The following RND3 variants were observed in gnomAD, a reference collection of about 807,000 sequenced individuals.
RND3 encodes the protein Rho family GTPase 3.
Under a neutral mutation model 26.5 loss-of-function variants are expected in RND3, and 8 were observed. That is an observed-to-expected ratio of 0.30 (90% CI 0.18 to 0.54). RND3 has a LOEUF of 0.54. Ranked by LOEUF, RND3 falls within the 20% of genes least tolerant of loss-of-function variation. RND3 has a pLI of 0.94. For missense variants in RND3, 207 were observed against 302.8 expected, an observed-to-expected ratio of 0.68 and a Z score of 2.35; for synonymous variants, 113 against 113.0, an observed-to-expected ratio of 1.00 and a Z score of 0.00.
At chr2:150,481,590 G>A (rs1365288897) in intron 3 of RND3, among the ~76,000 whole-genome samples, 1 of 152,092 alleles carries the variant, frequency 6.6e-6, no homozygotes, top group African/African-American at 2.4e-5. Flanking sequence ...GGCAGAAGCT[G>A]CTCTCACCCA....
At position 150,470,065 on chromosome 2, in the gene RND3, G is replaced by C. The variant is rs1180754677; in HGVS notation, c.657C>G (p.His219Gln). 6.2e-7 allele frequency: 1 copy of C among 1,613,974 alleles called. No homozygotes were observed. The highest frequency in any genetic ancestry group is 8.5e-7 in the Non-Finnish European group (1 of 1,179,972). The change falls in exon 6 of 6, where the codon CAC (histidine) becomes CAG (glutamine). Residue 219 changes from histidine (H) to glutamine (Q), a missense_variant. Coordinates refer to ENST00000263895, the MANE Select transcript of RND3 (RefSeq NM_005168.5). ...CCGAGAGTTCTGGTCTGCTAGGCAT[G>C]TGTGAAATCCGCTTTGTGGCTCTCT... ...KSQRATKRISHMPSRPELSAV... is the reference protein window; with the variant it reads ...KSQRATKRISQMPSRPELSAV...
At chr2:150,487,101 C>T (rs1686385794) in intron 2 of RND3, 167 bp downstream of exon 2, 1 of 644,612 alleles carries the variant, frequency 1.6e-6, no homozygotes, top group Non-Finnish European at 2.6e-6. Context: ...GCGCACTTTC[C>T]CTTTCCCCGC....
In RND3 at chr2:150,481,511, T is replaced by C. The variant is rs187831169; in HGVS notation, c.238+5183A>G. 9.9e-4 allele frequency among the ~76,000 whole-genome samples: 151 copies of C among 152,302 alleles called. 2 individuals are homozygous for C. Among genetic ancestry groups the C allele is most frequent in the Non-Finnish European group, 1.7e-3 (115 of 68,034 alleles). Reference sequence around the variant, plus strand: ...TTAGTTTGGGAAAGCCTGAATATTTTAAATTTTATTGTCACTCATGTTTTC... The same window carrying C: ...TTAGTTTGGGAAAGCCTGAATATTTCAAATTTTATTGTCACTCATGTTTTC... On this transcript the variant is annotated intron_variant, in intron 3 of 5. Transcript: ENST00000263895.
intron 3 of RND3, among the ~76,000 whole-genome samples, chr2:150,476,230 A>G (rs751433293): frequency 6.6e-6 from 1 of 152,232 alleles, no homozygotes; most frequent in Non-Finnish European, 1.5e-5. Flanking sequence ...TTGTCCCTTG[A>G]TAAATCAAAA....
At chr2:150,487,150 T>TA in intron 2 of RND3, 118 bp downstream of exon 2, 1 of 623,678 alleles carries the variant, frequency 1.6e-6, no homozygotes, top group Non-Finnish European at 2.2e-6. Context: ...CGAGAAAGAC[T>TA]TTTTTTTTTC....
intron 3 of RND3, among the ~76,000 whole-genome samples, chr2:150,483,729 T>C (rs189439736): frequency 1.3e-5 from 2 of 152,344 alleles, no homozygotes; most frequent in East Asian, 3.9e-4. Context: ...CTGCTAGATA[T>C]AAACAACAAA....
rs1390237328 is a variant in RND3 at position 150,486,820 on chromosome 2, G to A, written c.151-39C>T. The A allele has an allele frequency of 1.4e-6, 2 of 1,400,016 alleles. No individual in the cohort carries two copies. Among genetic ancestry groups the A allele is most frequent in the Non-Finnish European group, 1.0e-6 (1 of 984,870 alleles). 86.7% of individuals were successfully genotyped at this position (1,400,016 alleles called of 1,614,324 possible). A position where few individuals can be genotyped will look rare whatever the true frequency, so the allele number is the denominator to read the frequency against. On this transcript the variant is annotated intron_variant, in intron 2 of 5. Transcript: ENST00000263895. The surrounding 1 kb of genome is among the most constrained non-coding windows in gnomAD (Gnocchi z 4.5). ...ATGGGCAAAAGAGGAAGGAAAGAGG[G>A]CAAAGAGGTTACGTTTAAACGCACG...
intron 3 of RND3, among the ~76,000 whole-genome samples, chr2:150,481,810 C>G (rs775591857): frequency 1.3e-5 from 2 of 152,126 alleles, no homozygotes; most frequent in Non-Finnish European, 2.9e-5. Context: ...ATCTCCAATA[C>G]TGCTGAACCA....
At position 150,469,879 on chromosome 2, in the gene RND3, C is replaced by G; in HGVS notation, c.*108G>C. On this transcript the variant is annotated 3_prime_UTR_variant, in exon 6 of 6. Coordinates refer to ENST00000263895, the MANE Select transcript of RND3 (RefSeq NM_005168.5). ...GTATCCTCTCAAACGCCTCCTAAGC[C>G]TCTGGTATACATGACTTTGGCTGTG... The G allele has an allele frequency of 1.5e-6, 2 of 1,318,370 alleles. No individual in the cohort carries two copies. The highest frequency in any genetic ancestry group is 2.1e-6 in the Non-Finnish European group (2 of 956,604). 81.7% of individuals were successfully genotyped at this position (1,318,370 alleles called of 1,614,324 possible).
At position 150,470,091 on chromosome 2, in the gene RND3, G is replaced by C. The variant is rs1369227927; in HGVS notation, c.631C>G (p.Gln211Glu). The change falls in exon 6 of 6, where the codon CAG becomes GAG. Residue 211 changes from glutamine (Q) to glutamate (E), a missense_variant. Transcript: ENST00000263895. ...TNKNVKRNKS[Q>E]RATKRISHMP... ...TGTGAAATCCGCTTTGTGGCTCTCT[G>C]TGATTTGTTCCGCTTAACGTTTTTA... The C allele has an allele frequency of 3.1e-6, 5 of 1,614,072 alleles. No homozygotes were observed. Among genetic ancestry groups the C allele is most frequent in the Non-Finnish European group, 3.4e-6 (4 of 1,179,948 alleles).
At chr2:150,476,582 G>T (rs946647375) in intron 3 of RND3, among the ~76,000 whole-genome samples, 1 of 152,230 alleles carries the variant, frequency 6.6e-6, no homozygotes, top group Admixed American at 6.5e-5. Context: ...CTGTTCATGA[G>T]CTGCAGCAGC....
chr2:150,471,538 A>G, intron 5 of RND3, 89 bp downstream of exon 5: 1 of 1,115,864 alleles, frequency 9.0e-7, no homozygotes, highest in Non-Finnish European at 1.3e-6. Flanking sequence ...TTAGAAAAGC[A>G]GCTACTTTTT....
At position 150,485,401 on chromosome 2, in the gene RND3, G is replaced by A. The variant is rs370029100; in HGVS notation, c.238+1293C>T. On this transcript the variant is annotated intron_variant, in intron 3 of 5. Transcript: ENST00000263895. ...TTCAAGCCCAGCGGTTCTGTGGGAAGCTCACAGAAACACCTCCACGAGGCC... is the reference window on the plus strand; with the variant it reads ...TTCAAGCCCAGCGGTTCTGTGGGAAACTCACAGAAACACCTCCACGAGGCC... The A allele has an allele frequency of 3.1e-3, 467 of 152,384 alleles. 1 individual carries two copies. The highest frequency in any genetic ancestry group is 0.017 in the Middle Eastern group (5 of 294). 9.4% of individuals were successfully genotyped at this position (152,384 alleles called of 1,614,324 possible). A position where few individuals can be genotyped will look rare whatever the true frequency, so the allele number is the denominator to read the frequency against.
At chr2:150,478,534 A>C (rs1370737386) in intron 3 of RND3, among the ~76,000 whole-genome samples, 1 of 150,522 alleles carries the variant, frequency 6.6e-6, no homozygotes, top group East Asian at 1.9e-4. Context: ...CCTAACTCCT[A>C]TATCCCTCCA....
chr2:150,480,218 A>G (rs1686247741), intron 3 of RND3, among the ~76,000 whole-genome samples: 1 of 152,216 alleles, frequency 6.6e-6, no homozygotes, highest in Non-Finnish European at 1.5e-5. Context: ...GATATCTAAG[A>G]ATCAGATTTC....
intron 2 of RND3, chr2:150,487,038 T>C (rs1199077139): frequency 1.7e-6 from 1 of 603,816 alleles, no homozygotes; most frequent in Non-Finnish European, 2.9e-6. Flanking sequence ...ACGAACAAGT[T>C]TCAGGAGCTA....
intron 4 of RND3, among the ~76,000 whole-genome samples, chr2:150,473,767 T>A (rs1686121800): frequency 6.6e-6 from 1 of 152,132 alleles, no homozygotes; most frequent in Non-Finnish European, 1.5e-5. Context: ...CAATCAAATA[T>A]AATAGGGGAA....
chr2:150,486,533 GC>G lies in RND3; in HGVS notation c.238+160del, dbSNP rs1385975798. On this transcript the variant is annotated intron_variant, in intron 3 of 5. Transcript: ENST00000263895. This position sits in a 1 kb window ranked among gnomAD's most constrained non-coding sequence, Gnocchi z 4.5. Reference sequence around the variant, plus strand: ...CTCCTCGTCCACGCTGTCGTCTGCCGCCCCCACCCAGAAGGGATACAATTTT... The same window carrying G: ...CTCCTCGTCCACGCTGTCGTCTGCCGCCCCACCCAGAAGGGATACAATTTT... Among the ~76,000 whole-genome samples, 1 of 152,162 alleles carries G rather than the reference GC, an allele frequency of 6.6e-6. No homozygotes were observed. The highest frequency in any genetic ancestry group is 1.5e-5 in the Non-Finnish European group (1 of 68,018).
At chr2:150,473,273 A>T (rs1686115692) in intron 4 of RND3, among the ~76,000 whole-genome samples, 1 of 152,242 alleles carries the variant, frequency 6.6e-6, no homozygotes, top group Non-Finnish European at 1.5e-5. Flanking sequence ...CCTCACAGGA[A>T]TGTAAAACAT....
Sources: gnomAD v4.1 joint callset for allele counts (sites outside exome capture counted in the v4.1 genomes callset) on GRCh38, gnomAD v4.1.1 for gene constraint, Gnocchi (gnomAD v3.1) non-coding constraint, MANE v1.5 for transcripts, NCBI Gene and HGNC (gene_info 2026-07-23, HGNC 2026-07-21) for gene names.